FRMD4B: variants seen among roughly 807,000 people sequenced by gnomAD.
FRMD4B encodes the protein FERM domain containing 4B.
In FRMD4B, 74 loss-of-function variants were observed where a neutral mutation model predicts 141.5. The ratio of observed to expected loss-of-function variants is 0.52; its 90% confidence interval spans 0.43 to 0.63. FRMD4B has a LOEUF of 0.63. FRMD4B is among the 30% of genes least tolerant of loss of function. The pLI, the probability that FRMD4B is intolerant of heterozygous loss-of-function variation, is 0.00. For missense variants in FRMD4B, 1,366 were observed against 1,253.4 expected (o/e 1.09, Z -1.36); for synonymous variants, 506 against 467.9 (o/e 1.08, Z -1.05).
chr3:69,442,687 C>T (rs997240322), intron 1 of FRMD4B, among the ~76,000 whole-genome samples: 10 of 152,174 alleles, frequency 6.6e-5, no homozygotes, highest in Non-Finnish European at 1.2e-4. Flanking sequence ...CACCCACTGA[C>T]GTCCTATGTC....
At chr3:69,215,878 TGCTTGTG>T (rs2093135136) in intron 11 of FRMD4B, among the ~76,000 whole-genome samples, 1 of 152,142 alleles carries the variant, frequency 6.6e-6, no homozygotes, top group Non-Finnish European at 1.5e-5. Flanking sequence ...TAATGGTGTG[TGCTTGTG>T]GCTCACGCCT....
rs1479477351 is a variant in FRMD4B, at chr3:69,196,266, A to G, written c.1223T>C (p.Leu408Ser). 6.2e-7 allele frequency: 1 copy of G among 1,602,450 alleles called. No homozygotes were observed. Among genetic ancestry groups the G allele is most frequent in the Non-Finnish European group, 8.5e-7 (1 of 1,176,528 alleles). The change falls in exon 14 of 23, where the codon TTA becomes TCA. Residue 408 changes from leucine (L) to serine (S), a missense_variant. By Grantham distance (145) the Leu-to-Ser change is moderately radical. Coordinates refer to ENST00000398540, the MANE Select transcript of FRMD4B (RefSeq NM_015123.3). ...SQFIMASNGS[L>S]ISSGSQDSEV... ...TCCCAAGATGTTACCTGAGGAGATTAAACTGCCATTACTTGCCATGATGAA... is the reference window on the plus strand; with the variant it reads ...TCCCAAGATGTTACCTGAGGAGATTGAACTGCCATTACTTGCCATGATGAA...
chr3:69,487,955 G>A (rs1186013576), intron 1 of FRMD4B, among the ~76,000 whole-genome samples: 2 of 151,928 alleles, frequency 1.3e-5, no homozygotes, highest in African/African-American at 4.8e-5. Flanking sequence ...ATTATTGTAT[G>A]TATCACCTAA....
rs377165590 is a variant in FRMD4B, at chr3:69,393,838, G to A, written c.-1+38796C>T. On this transcript the variant is annotated intron_variant, in intron 2 of 5. Coordinates refer to the FRMD4B transcript ENST00000459638. Reference sequence around the variant, plus strand: ...TATATTTTCCCAAGAACAAGTAGGAGAAAGTTATTTTGGCCCCATTTCATG... The same window carrying A: ...TATATTTTCCCAAGAACAAGTAGGAAAAAGTTATTTTGGCCCCATTTCATG... Among the ~76,000 whole-genome samples the A allele has an allele frequency of 5.5e-4, 83 of 152,280 alleles. 1 individual carries two copies. The highest frequency in any genetic ancestry group is 1.8e-3 in the African/African-American group (73 of 41,564).
intron 1 of FRMD4B, among the ~76,000 whole-genome samples, chr3:69,457,058 A>G (rs757183571): frequency 2.0e-5 from 3 of 152,290 alleles, no homozygotes; most frequent in South Asian, 2.1e-4. Context: ...GTGTGTGTGT[A>G]TATTTAACAA....
chr3:69,522,706 C>T (rs779397890), intron 1 of FRMD4B, among the ~76,000 whole-genome samples: 10 of 152,132 alleles, frequency 6.6e-5, no homozygotes, highest in Non-Finnish European at 1.3e-4. Flanking sequence ...AATCATGCAA[C>T]GGATGCAAAA....
At chr3:69,186,910 C>T (rs2092774159) in intron 19 of FRMD4B, among the ~76,000 whole-genome samples, 1 of 152,216 alleles carries the variant, frequency 6.6e-6, no homozygotes, top group East Asian at 1.9e-4. Context: ...AAGATTGATC[C>T]ATACAGCCAA....
chr3:69,411,494 T>A (rs1374753212), intron 2 of FRMD4B, among the ~76,000 whole-genome samples: 1 of 152,216 alleles, frequency 6.6e-6, no homozygotes, highest in Non-Finnish European at 1.5e-5. Flanking sequence ...GTTATGTTTT[T>A]CATCCTACAG....
intron 7 of FRMD4B, among the ~76,000 whole-genome samples, chr3:69,240,057 C>T (rs1231384222): frequency 6.9e-6 from 1 of 144,818 alleles, no homozygotes; most frequent in Non-Finnish European, 1.5e-5. Flanking sequence ...CTGTCTCAAA[C>T]ACACACACAC....
At chr3:69,457,074 A>T (rs1411590236) in intron 1 of FRMD4B, among the ~76,000 whole-genome samples, 1 of 152,244 alleles carries the variant, frequency 6.6e-6, no homozygotes, top group African/African-American at 2.4e-5. Context: ...AACAATGAAC[A>T]TGTATTACTT....
intron 11 of FRMD4B, among the ~76,000 whole-genome samples, chr3:69,200,174 C>T (rs951186912): frequency 3.3e-5 from 5 of 152,070 alleles, no homozygotes; most frequent in African/African-American, 9.7e-5. Context: ...TGTAAAGGAA[C>T]AAAATGAGCT....
intron 1 of FRMD4B, among the ~76,000 whole-genome samples, chr3:69,355,365 C>T (rs1278190701): frequency 6.6e-6 from 1 of 152,110 alleles, no homozygotes; most frequent in Non-Finnish European, 1.5e-5. Flanking sequence ...AAACATTTGC[C>T]TGAGTCTTCT....
intron 1 of FRMD4B, among the ~76,000 whole-genome samples, chr3:69,464,187 C>G (rs13320243): frequency 6.6e-6 from 1 of 152,182 alleles, no homozygotes; most frequent in Admixed American, 6.5e-5. Context: ...TTGTATTAAA[C>G]TTTTGCTTAT....
chr3:69,295,957 C>T (rs1046315702), intron 4 of FRMD4B, among the ~76,000 whole-genome samples: 9 of 152,174 alleles, frequency 5.9e-5, no homozygotes, highest in Non-Finnish European at 1.2e-4. Flanking sequence ...GCTGGGACTA[C>T]AGGTGTGCAC....
rs1186898512 is a variant in FRMD4B at position 69,506,536 on chromosome 3, CT to C, written c.-129+35669del. 2.0e-3 allele frequency among the ~76,000 whole-genome samples: 290 copies of C among 146,386 alleles called. 2 individuals carry two copies. The highest frequency in any genetic ancestry group is 5.8e-3 in the African/African-American group (235 of 40,198). On this transcript the variant is annotated intron_variant, in intron 1 of 5. Coordinates refer to the FRMD4B transcript ENST00000459638. ...ATAAAGGTAACTCTACTGCTAAATT[CT>C]TTTTTTTTTTCTTTTTGAGACAGGA...
intron 11 of FRMD4B, among the ~76,000 whole-genome samples, chr3:69,202,692 A>G (rs567239338): frequency 2.0e-5 from 3 of 152,306 alleles, no homozygotes; most frequent in African/African-American, 7.2e-5. Flanking sequence ...AAAGGGAAAT[A>G]GTTGTAAGGT....
At chr3:69,303,304 G>A (rs1241758245) in intron 3 of FRMD4B, among the ~76,000 whole-genome samples, 5 of 133,432 alleles carry the variant, frequency 3.7e-5, no homozygotes. Flanking sequence ...ACTCCAGCCT[G>A]GGCAACATAA....
chr3:69,366,312 C>T (rs1703654477), intron 1 of FRMD4B, among the ~76,000 whole-genome samples: 1 of 151,730 alleles, frequency 6.6e-6, no homozygotes, highest in African/African-American at 2.4e-5. Context: ...ACTTAATGTC[C>T]ATCAATAGGA....
chr3:69,280,660 G>A (rs1463961166), intron 5 of FRMD4B, among the ~76,000 whole-genome samples: 1 of 152,136 alleles, frequency 6.6e-6, no homozygotes, highest in African/African-American at 2.4e-5. Context: ...CACCACACTT[G>A]CTGCCTGTCA....
Sources: allele counts gnomAD v4.1 joint callset (sites outside exome capture counted in the v4.1 genomes callset), GRCh38; gene constraint gnomAD v4.1.1; transcripts MANE v1.5; gene names NCBI Gene and HGNC (gene_info 2026-07-23, HGNC 2026-07-21).